MMP15: variants seen among roughly 807,000 people sequenced by gnomAD.
The protein encoded by MMP15 is matrix metallopeptidase 15, also known as matrix metalloproteinase-15.
A neutral mutation model predicts 65.0 loss-of-function variants in MMP15; 36 were observed. That is an observed-to-expected ratio of 0.55 (90% CI 0.42 to 0.73). The LOEUF (loss-of-function observed/expected upper bound fraction) is 0.73, where lower values mean the gene tolerates loss of function less well. Among genes scored for constraint, MMP15 ranks in the 30% least tolerant of loss-of-function variants. MMP15 has a pLI of 0.00. For synonymous variants in MMP15, 428 were observed against 410.2 expected (o/e 1.04, Z -0.52); for missense variants, 870 against 987.8 (o/e 0.88, Z 1.60).
chr16:58,036,050 C>T (rs979171158), intron 1 of MMP15, among the ~76,000 whole-genome samples: 16 of 152,348 alleles, frequency 1.1e-4, no homozygotes, highest in African/African-American at 2.9e-4. Flanking sequence ...AAGCAACCAC[C>T]GTGTCCAGCT....
In MMP15 at chr16:58,043,229, T is replaced by C; in HGVS notation, c.1323T>C (p.Phe441=). 1 of 1,599,984 alleles carries C rather than the reference T, an allele frequency of 6.3e-7. No homozygotes were observed. The highest frequency in any genetic ancestry group is 8.5e-7 in the Non-Finnish European group (1 of 1,172,398). The part of the protein sequence containing the change: ...VFFKGDRYWL[F]REANLEPGYP... ...CTGTAGGTGACCGCTACTGGCTCTTTCGAGAAGCGAACCTGGAGCCCGGCT... is the reference window on the plus strand; with the variant it reads ...CTGTAGGTGACCGCTACTGGCTCTTCCGAGAAGCGAACCTGGAGCCCGGCT... The change falls in exon 8 of 10, where the codon TTT becomes TTC. Residue 441 remains phenylalanine, a synonymous_variant. Coordinates refer to ENST00000219271, the MANE Select transcript of MMP15 (RefSeq NM_002428.4).
chr16:58,030,430 G>A (rs573515525), intron 1 of MMP15, among the ~76,000 whole-genome samples: 2 of 152,290 alleles, frequency 1.3e-5, no homozygotes, highest in Non-Finnish European at 1.5e-5. Context: ...GAGGCAAAGA[G>A]GGATGCCTCT....
chr16:58,039,396 C>G (rs150771348), intron 3 of MMP15, among the ~76,000 whole-genome samples: 1 of 152,332 alleles, frequency 6.6e-6, no homozygotes, highest in East Asian at 1.9e-4. Context: ...TGCGCCACTG[C>G]GCTCCAGCCC....
At chr16:58,041,444 A>G (rs1335376766) in intron 5 of MMP15, among the ~76,000 whole-genome samples, 173 bp from the exon 6 acceptor site, 1 of 151,420 alleles carries the variant, frequency 6.6e-6, no homozygotes, top group Non-Finnish European at 1.5e-5. Flanking sequence ...AGGAGGGGCT[A>G]GAAGGAGGAG....
chr16:58,038,825 G>T (rs1959388329), intron 3 of MMP15, among the ~76,000 whole-genome samples: 1 of 152,190 alleles, frequency 6.6e-6, no homozygotes. Context: ...GAGCCATGTG[G>T]TTGTCCCCAA....
rs1262413200 is a variant in MMP15, at chr16:58,043,322, G to A, written c.1416G>A (p.Trp472Ter). Residue 472 changes from tryptophan to a stop codon, truncating the protein, a stop_gained, in exon 8 of 10, where the codon TGG becomes TGA. Transcript: ENST00000219271. LOFTEE classifies it high-confidence loss of function. Reference sequence around the variant, plus strand: ...ACCGCATTGACACGGCCATCTGGTGGGAGCCCACAGGCCACACCTTCTTCT... The same window carrying A: ...ACCGCATTGACACGGCCATCTGGTGAGAGCCCACAGGCCACACCTTCTTCT... The part of the protein sequence containing the change: ...PYDRIDTAIW[W>*]EPTGHTFFFQ... 2 of 1,605,032 alleles carry A rather than the reference G, an allele frequency of 1.2e-6. No individual in the cohort carries two copies. Among genetic ancestry groups the A allele is most frequent in the Non-Finnish European group, 1.7e-6 (2 of 1,174,666 alleles).
chr16:58,035,897 C>T (rs1187827090), intron 1 of MMP15, among the ~76,000 whole-genome samples: 4 of 152,226 alleles, frequency 2.6e-5, no homozygotes, highest in Non-Finnish European at 5.9e-5. Flanking sequence ...CTGGCCTGCC[C>T]AGCCACACCA....
At position 58,037,625 on chromosome 16, in the gene MMP15, G is replaced by A; in HGVS notation, c.311+5G>A. 1 of 1,614,116 alleles carries A rather than the reference G, an allele frequency of 6.2e-7. No homozygotes were observed. The highest frequency in any genetic ancestry group is 8.5e-7 in the Non-Finnish European group (1 of 1,180,016). On this transcript the variant is annotated splice_donor_5th_base_variant and intron_variant, in intron 2 of 9. Coordinates refer to ENST00000219271, the MANE Select transcript of MMP15 (RefSeq NM_002428.4). ...GCTCGACGAAGAGACCAAGGAGTGA[G>A]TTCCCCCCACCATCCACACCCCACA...
At chr16:58,040,961 C>T in intron 5 of MMP15, 1 of 562,888 alleles carries the variant, frequency 1.8e-6, no homozygotes, top group Non-Finnish European at 3.2e-6. Flanking sequence ...CATGACCCTC[C>T]TCTCCTCCTC....
chr16:58,031,883 T>C (rs1963893466), intron 1 of MMP15, among the ~76,000 whole-genome samples: 2 of 123,782 alleles, frequency 1.6e-5, no homozygotes, highest in South Asian at 6.0e-4. Flanking sequence ...TTTTTTTTTT[T>C]TGAGACAGAG....
chr16:58,029,500 A>G (rs1842517842), intron 1 of MMP15, among the ~76,000 whole-genome samples: 1 of 152,114 alleles, frequency 6.6e-6, no homozygotes, highest in African/African-American at 2.4e-5. Flanking sequence ...ACTCCTCTCC[A>G]TGCTCTGTCA....
In MMP15 at chr16:58,041,616, G is replaced by A; in HGVS notation, c.911-1G>A. On this transcript the variant is annotated splice_acceptor_variant, in intron 5 of 9. Transcript: ENST00000219271. LOFTEE classifies it high-confidence loss of function. The stretch of plus-strand genomic sequence containing the variant: ...ACTTCTGAACCCCTGCCTCTCTGCA[G>A]GTACCCCAGACGGTCAGCCACAGCC... 1.3e-6 allele frequency: 2 copies of A among 1,572,604 alleles called. No individual in the cohort carries two copies. The highest frequency in any genetic ancestry group is 1.7e-6 in the Non-Finnish European group (2 of 1,160,204).
At chr16:58,032,861 C>T (rs1959259167) in intron 1 of MMP15, among the ~76,000 whole-genome samples, 1 of 152,254 alleles carries the variant, frequency 6.6e-6, no homozygotes. Context: ...GCAACTCTGC[C>T]TGGGTCTGCT....
rs577503254 is a variant in MMP15 at position 58,031,147 on chromosome 16, A to G, written c.162+4635A>G. On this transcript the variant is annotated intron_variant, in intron 1 of 9. Transcript: ENST00000219271. ...GGAAACTAATACTGTGAGTTGAGAG[A>G]AATGACCCCCGCATTCCATAGCCAG... is the stretch of plus-strand genomic sequence containing the variant. Among the ~76,000 whole-genome samples the G allele has an allele frequency of 4.6e-5, 7 of 152,228 alleles. No homozygotes were observed. In the East Asian group the frequency reaches 1.4e-3, roughly 29 times the overall value.
rs184766185 is a variant in MMP15 at position 58,042,335 on chromosome 16, C to T, written c.1269C>T (p.Tyr423=). 3.9e-4 allele frequency: 630 copies of T among 1,614,234 alleles called. No homozygotes were observed. Among genetic ancestry groups the T allele is most frequent in the Middle Eastern group, 9.9e-4 (6 of 6,062 alleles). ...TGCCCGGTGACATCAGTGCTGCCTACGAGCGCCAAGACGGTCGTTTTGTCT... is the reference window on the plus strand; with the variant it reads ...TGCCCGGTGACATCAGTGCTGCCTATGAGCGCCAAGACGGTCGTTTTGTCT... ...RGLPGDISAA[Y]ERQDGRFVFF... Residue 423 remains tyrosine, a synonymous_variant, in exon 7 of 10, where the codon TAC becomes TAT. Coordinates refer to ENST00000219271, the MANE Select transcript of MMP15 (RefSeq NM_002428.4).
Position 58,046,738 on chromosome 16 carries a change from C to G in MMP15, c.*1292C>G, listed in dbSNP as rs992517075. The G allele has an allele frequency of 6.5e-6, 1 of 152,690 alleles. No homozygotes were observed. The highest frequency in any genetic ancestry group is 1.5e-5 in the Non-Finnish European group (1 of 68,094). 9.5% of individuals were successfully genotyped at this position (152,690 alleles called of 1,614,324 possible). ...GGGGGAAGGATTCTGCTGGCCTCTGCGAGTGGTTTCTTGTGCACTGGCACC... is the reference window on the plus strand; with the variant it reads ...GGGGGAAGGATTCTGCTGGCCTCTGGGAGTGGTTTCTTGTGCACTGGCACC... On this transcript the variant is annotated 3_prime_UTR_variant, in exon 10 of 10. Coordinates refer to ENST00000219271, the MANE Select transcript of MMP15 (RefSeq NM_002428.4).
At chr16:58,035,903 C>T (rs1482538091) in intron 1 of MMP15, among the ~76,000 whole-genome samples, 1 of 152,258 alleles carries the variant, frequency 6.6e-6, no homozygotes, top group Admixed American at 6.5e-5. Context: ...TGCCCAGCCA[C>T]ACCAGGGACC....
Position 58,026,497 on chromosome 16 carries a change from G to T in MMP15, c.147G>T (p.Ala49=). ...GCCTTGGCGTAGCGGCCGAAGACGC[G>T]GAGGTCCATGCCGAGGTAAGACCCC... The part of the protein sequence containing the change: ...CLGLGVAAED[A]EVHAENWLRL... The change falls in exon 1 of 10, where the codon GCG becomes GCT. Residue 49 remains alanine (A), a synonymous_variant. Transcript: ENST00000219271. 2.2e-6 allele frequency: 3 copies of T among 1,370,118 alleles called. No individual in the cohort carries two copies. The highest frequency in any genetic ancestry group is 2.8e-6 in the Non-Finnish European group (3 of 1,059,908). The allele number at this position is 1,370,118 out of a possible 1,614,324, so 84.9% of individuals were successfully genotyped here. A position where few individuals can be genotyped will look rare whatever the true frequency, so the allele number is the denominator to read the frequency against.
chr16:58,030,707 C>T (rs1268412371), intron 1 of MMP15, among the ~76,000 whole-genome samples: 1 of 152,162 alleles, frequency 6.6e-6, no homozygotes, highest in Non-Finnish European at 1.5e-5. Context: ...CCACGTTCAG[C>T]GTTTCTGAGC....
Sources: allele counts gnomAD v4.1 joint callset (sites outside exome capture counted in the v4.1 genomes callset), GRCh38; gene constraint gnomAD v4.1.1; transcripts MANE v1.5; gene names NCBI Gene and HGNC (gene_info 2026-07-23, HGNC 2026-07-21).